The following LYPLAL1 variants were observed in gnomAD, a reference collection of about 807,000 sequenced individuals.
The protein encoded by LYPLAL1 is lysophospholipase-like protein 1.
Under a neutral mutation model 19.7 loss-of-function variants are expected in LYPLAL1, and 23 were observed. That is an observed-to-expected ratio of 1.17 (90% CI 0.84 to 1.65). The LOEUF (loss-of-function observed/expected upper bound fraction) is 1.65. Among genes scored for constraint, LYPLAL1 ranks in the 40% most tolerant of loss-of-function variants. LYPLAL1 has a pLI of 0.00. For synonymous variants in LYPLAL1, 119 were observed against 96.3 expected (o/e 1.24, Z -1.38); for missense variants, 355 against 279.4 (o/e 1.27, Z -1.93).
At chr1:219,348,289 G>A in the LYPLAL1 span, among the ~76,000 whole-genome samples, 1 of 152,230 alleles carries the variant, frequency 6.6e-6, no homozygotes, top group Non-Finnish European at 1.5e-5. Context: ...GGGCAGGGCA[G>A]GGTTGGAAGG....
chr1:219,340,571 G>A, the LYPLAL1 span, among the ~76,000 whole-genome samples: 19 of 151,920 alleles, frequency 1.3e-4, no homozygotes, highest in South Asian at 2.1e-4. Flanking sequence ...TTTTCCATGC[G>A]TATACTTTTG....
the LYPLAL1 span, among the ~76,000 whole-genome samples, chr1:219,418,267 C>T: frequency 7.2e-5 from 11 of 152,246 alleles, no homozygotes; most frequent in African/African-American, 2.6e-4. Context: ...AGAGGACGGA[C>T]CCTAGGTCTC....
chr1:219,220,692 A>C, the LYPLAL1 span, among the ~76,000 whole-genome samples: 1 of 152,166 alleles, frequency 6.6e-6, no homozygotes, highest in South Asian at 2.1e-4. Flanking sequence ...TTTGAGGAGA[A>C]CGCCCAACAT....
the LYPLAL1 span, among the ~76,000 whole-genome samples, chr1:219,346,215 A>G: frequency 6.6e-6 from 1 of 152,282 alleles, no homozygotes; most frequent in Admixed American, 6.5e-5. Context: ...ACTAAAATTG[A>G]AAGTTTATAC....
chr1:219,412,138 T>G, the LYPLAL1 span, among the ~76,000 whole-genome samples: 3 of 152,134 alleles, frequency 2.0e-5, no homozygotes, highest in Admixed American at 6.5e-5. Flanking sequence ...AGCCTCAAAC[T>G]CCTGGGCTCA....
intron 3 of LYPLAL1, among the ~76,000 whole-genome samples, chr1:219,206,045 G>T (rs1441753851): frequency 6.6e-6 from 1 of 152,086 alleles, no homozygotes; most frequent in East Asian, 1.9e-4. Flanking sequence ...ATTTAGAATG[G>T]TAATGGACTT....
At chr1:219,378,779 AG>A in the LYPLAL1 span, among the ~76,000 whole-genome samples, 1 of 152,164 alleles carries the variant, frequency 6.6e-6, no homozygotes, top group African/African-American at 2.4e-5. Flanking sequence ...AGAGACCCAA[AG>A]GGTTATAAAG....
the LYPLAL1 span, among the ~76,000 whole-genome samples, chr1:219,244,434 A>G: frequency 6.6e-6 from 1 of 152,106 alleles, no homozygotes; most frequent in Non-Finnish European, 1.5e-5. Flanking sequence ...ACAGTGGAGG[A>G]GGGATACTGC....
At chr1:219,371,505 A>G in the LYPLAL1 span, among the ~76,000 whole-genome samples, 2 of 152,244 alleles carry the variant, frequency 1.3e-5, no homozygotes, top group Admixed American at 1.3e-4. Flanking sequence ...ATGTCTCAGC[A>G]TAATAATTGT....
At chr1:219,419,522 C>T in the LYPLAL1 span, among the ~76,000 whole-genome samples, 1 of 148,604 alleles carries the variant, frequency 6.7e-6, no homozygotes, top group South Asian at 2.1e-4. Context: ...GCTCTGGTTC[C>T]TCTTTGGGTT....
the LYPLAL1 span, among the ~76,000 whole-genome samples, chr1:219,243,788 G>A: frequency 6.6e-6 from 1 of 151,752 alleles, no homozygotes; most frequent in South Asian, 2.1e-4. Context: ...ACGTGGTGGT[G>A]GGTGCCTGTA....
chr1:219,265,482 G>T, the LYPLAL1 span, among the ~76,000 whole-genome samples: 1 of 152,134 alleles, frequency 6.6e-6, no homozygotes, highest in Non-Finnish European at 1.5e-5. Context: ...CAAATAAGCT[G>T]CAATTCTTTT....
the LYPLAL1 span, among the ~76,000 whole-genome samples, chr1:219,229,294 TGAGAGAGAGAGAGAGA>T: frequency 2.4e-3 from 319 of 132,838 alleles, 3 homozygotes; most frequent in African/African-American, 5.2e-3. Flanking sequence ...ACAAGCATTT[TGAGAGAGAGAGAGAGA>T]GAGAGAGAGA....
chr1:219,254,015 C>G, the LYPLAL1 span, among the ~76,000 whole-genome samples: 1 of 151,952 alleles, frequency 6.6e-6, no homozygotes, highest in African/African-American at 2.4e-5. Flanking sequence ...CTGAATTGAA[C>G]CCTTTACCAT....
chr1:219,285,547 C>A, the LYPLAL1 span, among the ~76,000 whole-genome samples: 2 of 152,262 alleles, frequency 1.3e-5, no homozygotes, highest in Admixed American at 1.3e-4. Flanking sequence ...AAAAAGGAAT[C>A]GAGTACTGAC....
the LYPLAL1 span, among the ~76,000 whole-genome samples, chr1:219,373,224 G>T: frequency 1.3e-5 from 2 of 152,178 alleles, no homozygotes; most frequent in African/African-American, 4.8e-5. Context: ...ACAATAAATG[G>T]TATAAAACAA....
the LYPLAL1 span, among the ~76,000 whole-genome samples, chr1:219,391,469 A>G: frequency 6.6e-6 from 1 of 152,120 alleles, no homozygotes; most frequent in Admixed American, 6.5e-5. Context: ...TTCTGAGAAG[A>G]TTGTGTCTTC....
the LYPLAL1 span, among the ~76,000 whole-genome samples, chr1:219,352,140 T>C: frequency 3.9e-5 from 6 of 152,212 alleles, no homozygotes; most frequent in Non-Finnish European, 5.9e-5. Flanking sequence ...AGATCTGAAA[T>C]TGAAGGCTGA....
At chr1:219,329,065 T>C in the LYPLAL1 span, among the ~76,000 whole-genome samples, 5 of 151,320 alleles carry the variant, frequency 3.3e-5, no homozygotes. Context: ...TTTTATTCTC[T>C]TTTTTTTCTG....
Sources: allele counts gnomAD v4.1 joint callset (sites outside exome capture counted in the v4.1 genomes callset), GRCh38; gene constraint gnomAD v4.1.1; transcripts MANE v1.5; gene names NCBI Gene and HGNC (gene_info 2026-07-23, HGNC 2026-07-21).